Variants in FAF1 observed in about 807,000 individuals in gnomAD.
FAF1 encodes the protein Fas associated factor 1.
FAF1 carries 25 observed loss-of-function variants against 92.5 expected under a neutral mutation model. That is an observed-to-expected ratio of 0.27 (90% CI 0.20 to 0.38). The LOEUF (loss-of-function observed/expected upper bound fraction) is 0.38. Ranked by LOEUF, FAF1 falls within the 10% of genes least tolerant of loss-of-function variation. FAF1 has a pLI of 1.00. For missense variants in FAF1, 636 were observed against 793.3 expected, an observed-to-expected ratio of 0.80 and a Z score of 2.38; for synonymous variants, 234 against 273.2, an observed-to-expected ratio of 0.86 and a Z score of 1.42.
chr1:50,571,634 A>C (rs1220003676), intron 12 of FAF1, among the ~76,000 whole-genome samples: 3 of 152,168 alleles, frequency 2.0e-5, no homozygotes, highest in Admixed American at 1.3e-4. Flanking sequence ...TGGGATGCTT[A>C]TTGTGTCTCT....
At chr1:50,608,850 G>A (rs1009519401) in intron 8 of FAF1, among the ~76,000 whole-genome samples, 1 of 152,212 alleles carries the variant, frequency 6.6e-6, no homozygotes, top group African/African-American at 2.4e-5. Flanking sequence ...GAGCTTGTAT[G>A]ACTCTGGACA....
At chr1:50,684,937 T>G (rs562721082) in intron 7 of FAF1, among the ~76,000 whole-genome samples, 1 of 152,316 alleles carries the variant, frequency 6.6e-6, no homozygotes, top group East Asian at 1.9e-4. Context: ...CTAAACCAAT[T>G]ATACAAATGA....
At chr1:50,498,948 T>C (rs1016062169) in intron 15 of FAF1, among the ~76,000 whole-genome samples, 2 of 152,246 alleles carry the variant, frequency 1.3e-5, no homozygotes, top group Middle Eastern at 3.4e-3. Flanking sequence ...GTAGCATTAT[T>C]TACAATAGCC....
At chr1:50,604,269 G>C (rs909720597) in intron 8 of FAF1, among the ~76,000 whole-genome samples, 2 of 152,162 alleles carry the variant, frequency 1.3e-5, no homozygotes, top group Non-Finnish European at 2.9e-5. Context: ...CTAGTAATAA[G>C]AATTTCCAGA....
chr1:50,552,764 G>A (rs1175853863), intron 13 of FAF1, among the ~76,000 whole-genome samples: 1 of 152,102 alleles, frequency 6.6e-6, no homozygotes, highest in Non-Finnish European at 1.5e-5. Context: ...CAGCTGGGAG[G>A]GGAGGTAGAG....
chr1:50,662,436 T>C (rs536865767), intron 7 of FAF1, among the ~76,000 whole-genome samples: 1 of 152,316 alleles, frequency 6.6e-6, no homozygotes, highest in Non-Finnish European at 1.5e-5. Flanking sequence ...AAGAGATTAC[T>C]AGGATGATGA....
intron 13 of FAF1, among the ~76,000 whole-genome samples, chr1:50,555,696 C>T (rs1215019642): frequency 6.6e-6 from 1 of 152,090 alleles, no homozygotes; most frequent in African/African-American, 2.4e-5. Flanking sequence ...CTATGAAAAA[C>T]AGTATTCAGA....
At chr1:50,736,032 A>G (rs1376741544) in intron 6 of FAF1, among the ~76,000 whole-genome samples, 1 of 152,148 alleles carries the variant, frequency 6.6e-6, no homozygotes, top group East Asian at 1.9e-4. Flanking sequence ...ATGTTATTTT[A>G]TATCTACATT....
chr1:50,576,087 T>A (rs143123212), intron 12 of FAF1, among the ~76,000 whole-genome samples: 1 of 152,224 alleles, frequency 6.6e-6, no homozygotes, highest in African/African-American at 2.4e-5. Context: ...TAGTTCATAA[T>A]TGAATGAGAA....
intron 2 of FAF1, among the ~76,000 whole-genome samples, chr1:50,842,484 A>G (rs1165879896): frequency 2.6e-5 from 4 of 152,126 alleles, no homozygotes; most frequent in African/African-American, 2.4e-5. Flanking sequence ...ATTATGAATT[A>G]TCAAACTAAA....
chr1:50,570,811 C>A (rs1428172925), intron 12 of FAF1, among the ~76,000 whole-genome samples: 1 of 152,154 alleles, frequency 6.6e-6, no homozygotes, highest in Non-Finnish European at 1.5e-5. Context: ...GATAAATGGA[C>A]TCCAGACTCA....
intron 18 of FAF1, among the ~76,000 whole-genome samples, chr1:50,472,602 G>A (rs143432183): frequency 5.3e-5 from 8 of 152,172 alleles, no homozygotes; most frequent in East Asian, 1.9e-4. Context: ...GTTTTGGTTG[G>A]GGGCGGGTGG....
intron 1 of FAF1, among the ~76,000 whole-genome samples, chr1:50,945,375 T>C (rs1411536999): frequency 6.6e-6 from 1 of 152,150 alleles, no homozygotes; most frequent in East Asian, 1.9e-4. Context: ...GTCCAATGTA[T>C]TCAATCTGCC....
At chr1:50,772,562 A>G (rs959053472) in intron 4 of FAF1, among the ~76,000 whole-genome samples, 2 of 152,228 alleles carry the variant, frequency 1.3e-5, no homozygotes. Context: ...ATATGGATGG[A>G]GCTGGAGGGC....
In FAF1 at chr1:50,468,617, G is replaced by A. The variant is rs112104612; in HGVS notation, c.1869+6847C>T. ...TGGGATTACAGGCGCCTGCCACCGC[G>A]CCTGGCTAATTTTTTGTATTTTTAG... On this transcript the variant is annotated intron_variant, in intron 18 of 18. Coordinates refer to ENST00000396153, the MANE Select transcript of FAF1 (RefSeq NM_007051.3). Among the ~76,000 whole-genome samples, 1,029 of 151,902 alleles carry A rather than the reference G, an allele frequency of 6.8e-3. 18 individuals carry two copies. The highest frequency in any genetic ancestry group is 0.023 in the African/African-American group (940 of 41,446).
At chr1:50,778,807 A>C (rs1337894723) in intron 4 of FAF1, among the ~76,000 whole-genome samples, 1 of 151,886 alleles carries the variant, frequency 6.6e-6, no homozygotes, top group African/African-American at 2.4e-5. Context: ...GTGACAGAGC[A>C]AGACCATCCC....
At chr1:50,810,236 C>T (rs1662367253) in intron 2 of FAF1, among the ~76,000 whole-genome samples, 1 of 151,968 alleles carries the variant, frequency 6.6e-6, no homozygotes, top group Non-Finnish European at 1.5e-5. Flanking sequence ...GCCTGGGCAA[C>T]AAGAGCGAGA....
intron 8 of FAF1, among the ~76,000 whole-genome samples, chr1:50,650,507 C>G (rs1414269339): frequency 1.3e-5 from 2 of 151,994 alleles, no homozygotes; most frequent in Admixed American, 6.6e-5. Flanking sequence ...GTAATCCCAG[C>G]TACTTGGGAT....
intron 6 of FAF1, chr1:50,715,137 T>C: frequency 3.9e-6 from 1 of 253,244 alleles, no homozygotes; most frequent in Non-Finnish European, 8.2e-6. Context: ...GAAGTTAATG[T>C]TCAAAATATA....
Sources: gnomAD v4.1 joint callset for allele counts (sites outside exome capture counted in the v4.1 genomes callset) on GRCh38, gnomAD v4.1.1 for gene constraint, MANE v1.5 for transcripts, NCBI Gene and HGNC (gene_info 2026-07-23, HGNC 2026-07-21) for gene names.